TNRC6B: variants seen among roughly 807,000 people sequenced by gnomAD.
The protein encoded by TNRC6B is trinucleotide repeat containing adaptor 6B.
TNRC6B carries 52 observed loss-of-function variants against 203.6 expected under a neutral mutation model. That is an observed-to-expected ratio of 0.26 (90% CI 0.20 to 0.32). The LOEUF (loss-of-function observed/expected upper bound fraction) is 0.32. TNRC6B is among the 10% of genes least tolerant of loss of function. TNRC6B has a pLI of 1.00. For missense variants in TNRC6B, 1,923 were observed against 2,286.2 expected (o/e 0.84, Z 3.24); for synonymous variants, 838 against 845.7 (o/e 0.99, Z 0.16).
chr22:40,286,948 G>A (rs567696854), intron 12 of TNRC6B, among the ~76,000 whole-genome samples: 31 of 152,274 alleles, frequency 2.0e-4, no homozygotes, highest in Non-Finnish European at 3.7e-4. Context: ...GAAGATGGGA[G>A]CGCTTATTAG....
In TNRC6B at chr22:40,315,931, G is replaced by A. The variant is rs979541980; in HGVS notation, c.4904-11G>A. ...ATTTCTCTTCCTAACCATTTTTCTG[G>A]TTGCTCATAGCCTCTACCTGGAGTG... On this transcript the variant is annotated splice_polypyrimidine_tract_variant and intron_variant, in intron 20 of 22. Transcript: ENST00000454349. 5 of 1,609,050 alleles carry A rather than the reference G, an allele frequency of 3.1e-6. No individual in the cohort carries two copies. The highest frequency in any genetic ancestry group is 2.7e-5 in the African/African-American group (2 of 74,548).
chr22:40,169,924 C>T (rs1046527251), intron 4 of TNRC6B, among the ~76,000 whole-genome samples: 20 of 151,986 alleles, frequency 1.3e-4, no homozygotes, highest in Non-Finnish European at 2.5e-4. Flanking sequence ...TCATAATTCT[C>T]CTTCTGAAAT....
intron 1 of TNRC6B, among the ~76,000 whole-genome samples, chr22:40,051,279 T>C (rs570840652): frequency 6.6e-6 from 1 of 152,288 alleles, no homozygotes; most frequent in Admixed American, 6.5e-5. Flanking sequence ...GAATCCCTTA[T>C]CACTAAGCCA....
chr22:40,212,170 C>G (rs1407048563), intron 1 of TNRC6B, among the ~76,000 whole-genome samples: 2 of 152,234 alleles, frequency 1.3e-5, no homozygotes, highest in Non-Finnish European at 2.9e-5. Flanking sequence ...CAGCTACCCA[C>G]TGCTTCACAA....
intron 3 of TNRC6B, among the ~76,000 whole-genome samples, chr22:40,155,448 C>T (rs2068811344): frequency 6.6e-6 from 1 of 152,112 alleles, no homozygotes; most frequent in South Asian, 2.1e-4. Context: ...ACCACCACAT[C>T]CAGCTAATTT....
At chr22:40,080,736 A>T (rs901457748) in intron 1 of TNRC6B, among the ~76,000 whole-genome samples, 1 of 151,912 alleles carries the variant, frequency 6.6e-6, no homozygotes, top group Non-Finnish European at 1.5e-5. Flanking sequence ...CAGCTCAGCC[A>T]CATCTCTTTT....
In TNRC6B at chr22:40,105,341, A is replaced by G. The variant is rs188261854; in HGVS notation, c.-120-11714A>G. ...GTGCATAAAGTACAAATGTAAAACA[A>G]TGAATTATTTTGAAACGACCACCTC... On this transcript the variant is annotated intron_variant, in intron 1 of 23. Coordinates refer to the TNRC6B transcript ENST00000301923. Among the ~76,000 whole-genome samples, 261 of 152,380 alleles carry G rather than the reference A, an allele frequency of 1.7e-3. 1 individual carries two copies. Among genetic ancestry groups the G allele is most frequent in the African/African-American group, 6.0e-3 (249 of 41,594 alleles).
At chr22:40,136,542 G>A (rs962069061) in intron 3 of TNRC6B, among the ~76,000 whole-genome samples, 1 of 151,790 alleles carries the variant, frequency 6.6e-6, no homozygotes, top group Non-Finnish European at 1.5e-5. Flanking sequence ...TGGGACCATA[G>A]ATGCATGCCA....
chr22:40,106,330 T>C (rs537303646), intron 1 of TNRC6B: 23 of 1,050,852 alleles, frequency 2.2e-5, no homozygotes, highest in Non-Finnish European at 3.2e-5. Flanking sequence ...TAGTTTATTC[T>C]TCTAATAAGC....
chr22:40,290,787 G>A (rs1375933053), intron 12 of TNRC6B, among the ~76,000 whole-genome samples: 1 of 152,066 alleles, frequency 6.6e-6, no homozygotes, highest in Non-Finnish European at 1.5e-5. Context: ...GCCTGAGCAG[G>A]GCATGTATTT....
At chr22:40,182,551 C>T (rs978214299) in intron 1 of TNRC6B, among the ~76,000 whole-genome samples, 2 of 152,136 alleles carry the variant, frequency 1.3e-5, no homozygotes, top group Admixed American at 6.5e-5. Flanking sequence ...TTCTTCTTTC[C>T]GTCATATATT....
intron 2 of TNRC6B, chr22:40,125,681 C>A: frequency 1.3e-6 from 1 of 749,078 alleles, no homozygotes; most frequent in Non-Finnish European, 2.1e-6. Context: ...GTATCTGTGG[C>A]CTTATTGAGA....
chr22:40,225,252 G>A (rs1437551410), intron 1 of TNRC6B, among the ~76,000 whole-genome samples: 1 of 152,114 alleles, frequency 6.6e-6, no homozygotes, highest in African/African-American at 2.4e-5. Flanking sequence ...TTTGAGAGAT[G>A]GAGGCAAAAG....
At chr22:40,301,370 T>C in intron 15 of TNRC6B, 37 bp downstream of exon 15, 1 of 1,586,024 alleles carries the variant, frequency 6.3e-7, no homozygotes, top group Non-Finnish European at 8.6e-7. Flanking sequence ...TTTTTAGAAA[T>C]CTACCTCTCT....
chr22:40,242,179 AGTGTGT>A lies in TNRC6B; in HGVS notation c.6-3810_6-3805del, dbSNP rs58498001. Among the ~76,000 whole-genome samples the A allele has an allele frequency of 3.7e-3, 548 of 149,516 alleles. 2 individuals are homozygous for A. Among genetic ancestry groups the A allele is most frequent in the Middle Eastern group, 0.017 (5 of 290 alleles). ...AGAGTGACAGAGCTAAGGGAATAAG[AGTGTGT>A]GTGTGTGTGTGTGTGTGTGTGTGTG... On this transcript the variant is annotated intron_variant, in intron 1 of 22. Transcript: ENST00000454349.
intron 1 of TNRC6B, among the ~76,000 whole-genome samples, chr22:40,105,335 A>G (rs1048074706): frequency 1.3e-5 from 2 of 152,260 alleles, no homozygotes; most frequent in African/African-American, 4.8e-5. Context: ...GTACAAATGT[A>G]AAACAATGAA....
At chr22:40,162,544 G>A (rs1471819595) in intron 4 of TNRC6B, among the ~76,000 whole-genome samples, 1 of 152,148 alleles carries the variant, frequency 6.6e-6, no homozygotes, top group Non-Finnish European at 1.5e-5. Context: ...CCAAATCATA[G>A]ATTTTATAGA....
intron 10 of TNRC6B, 78 bp from the exon 11 acceptor site, chr22:40,281,041 C>G: frequency 5.9e-5 from 71 of 1,203,374 alleles, no homozygotes; most frequent in Non-Finnish European, 7.0e-5. Context: ...GCTAGTGTTT[C>G]TCTCTTTTCC....
upstream of TNRC6B, chr22:40,177,792 AAGTG>A: frequency 8.0e-7 from 1 of 1,251,170 alleles, no homozygotes; most frequent in Non-Finnish European, 1.0e-6. Context: ...TCACAAATGA[AAGTG>A]AGTGGAAAAG....
Sources: allele counts gnomAD v4.1 joint callset (sites outside exome capture counted in the v4.1 genomes callset), GRCh38; gene constraint gnomAD v4.1.1; transcripts MANE v1.5; gene names NCBI Gene and HGNC (gene_info 2026-07-23, HGNC 2026-07-21).